The following PIK3C2G variants were observed in gnomAD, a reference collection of about 807,000 sequenced individuals.
PIK3C2G encodes the protein phosphatidylinositol-4-phosphate 3-kinase catalytic subunit type 2 gamma, also known as phosphatidylinositol 3-kinase C2 domain-containing subunit gamma.
Under a neutral mutation model 181.1 loss-of-function variants are expected in PIK3C2G, and 168 were observed. The observed-to-expected ratio is 0.93, with a 90% confidence interval of 0.82 to 1.05. The LOEUF is 1.05. Ranked by LOEUF, PIK3C2G falls within the 50% of genes least tolerant of loss-of-function variation. PIK3C2G has a pLI of 0.00. For synonymous variants in PIK3C2G, 573 were observed against 592.2 expected (o/e 0.97, Z 0.47); for missense variants, 1,869 against 1,732.8 (o/e 1.08, Z -1.40).
intron 31 of PIK3C2G, among the ~76,000 whole-genome samples, chr12:18,633,121 C>G (rs1174755388): frequency 6.6e-6 from 1 of 152,142 alleles, no homozygotes; most frequent in African/African-American, 2.4e-5. Flanking sequence ...TAACGCCATC[C>G]TCAGAAAGAG....
the PIK3C2G span, among the ~76,000 whole-genome samples, chr12:18,716,143 A>G: frequency 6.6e-6 from 1 of 152,094 alleles, no homozygotes; most frequent in Non-Finnish European, 1.5e-5. Context: ...TGCTTTCCTG[A>G]CTCGTATTTG....
chr12:18,304,532 C>T (rs1021122065), intron 5 of PIK3C2G, among the ~76,000 whole-genome samples: 2 of 152,216 alleles, frequency 1.3e-5, no homozygotes, highest in East Asian at 1.9e-4. Flanking sequence ...GCTGGGATTA[C>T]AGGCGTGAGC....
intron 2 of PIK3C2G, among the ~76,000 whole-genome samples, chr12:18,283,835 T>G (rs886361079): frequency 6.6e-6 from 1 of 152,084 alleles, no homozygotes; most frequent in Non-Finnish European, 1.5e-5. Context: ...ACGAAATAAG[T>G]GAATCAGGTG....
At chr12:18,679,445 C>T in the PIK3C2G span, among the ~76,000 whole-genome samples, 2 of 151,884 alleles carry the variant, frequency 1.3e-5, no homozygotes, top group African/African-American at 4.8e-5. Context: ...AGGTTTATGA[C>T]CCATTTTGAG....
At position 18,594,520 on chromosome 12, in the gene PIK3C2G, C is replaced by T. The variant is rs761555330; in HGVS notation, c.4038C>T (p.Leu1346=). 6.4e-7 allele frequency: 1 copy of T among 1,554,730 alleles called. No individual in the cohort carries two copies. Among genetic ancestry groups the T allele is most frequent in the African/African-American group, 1.4e-5 (1 of 71,100 alleles). Residue 1346 remains leucine, a synonymous_variant, in exon 30 of 33, where the codon CTC becomes CTT. Coordinates refer to ENST00000538779, the MANE Select transcript of PIK3C2G (RefSeq NM_001288772.2). ...GTGATTGTGTACTTAGCTTTTTCCT[C>T]TCTGAGGCTGTGCAACAAACAGTTG... is the stretch of plus-strand genomic sequence containing the variant. ...TNSDCVLSFF[L]SEAVQQTVEE...
At chr12:18,429,797 C>T (rs1946049849) in intron 18 of PIK3C2G, among the ~76,000 whole-genome samples, 1 of 152,156 alleles carries the variant, frequency 6.6e-6, no homozygotes, top group African/African-American at 2.4e-5. Flanking sequence ...TGAAATTGGG[C>T]ACTGTCAAAG....
chr12:18,491,371 A>G, intron 19 of PIK3C2G, 80 bp from the exon 20 acceptor site: 1 of 746,494 alleles, frequency 1.3e-6, no homozygotes, highest in East Asian at 2.5e-5. Context: ...TCATTTAATC[A>G]ATAGAAGAAA....
chr12:18,274,119 G>A (rs1366522844), intron 1 of PIK3C2G, among the ~76,000 whole-genome samples: 3 of 152,166 alleles, frequency 2.0e-5, no homozygotes, highest in Admixed American at 6.5e-5. Context: ...CCTCACACCA[G>A]TTAGAATGGT....
chr12:18,545,537 T>A (rs982844784), intron 25 of PIK3C2G, among the ~76,000 whole-genome samples: 2 of 151,800 alleles, frequency 1.3e-5, no homozygotes, highest in African/African-American at 4.8e-5. Flanking sequence ...TCAAATTTAG[T>A]TTAGAAAGTT....
chr12:18,699,270 C>G, the PIK3C2G span, among the ~76,000 whole-genome samples: 1 of 152,294 alleles, frequency 6.6e-6, no homozygotes, highest in South Asian at 2.1e-4. Flanking sequence ...ACCCTACCCT[C>G]TTCAATGCCT....
At chr12:18,475,411 ATTT>A (rs1230465191) in intron 18 of PIK3C2G, among the ~76,000 whole-genome samples, 9 of 87,570 alleles carry the variant, frequency 1.0e-4, no homozygotes, top group Non-Finnish European at 5.2e-5. Flanking sequence ...CACACACACC[ATTT>A]TTTTCTTACA....
chr12:18,288,632 T>C (rs1949555862), intron 3 of PIK3C2G, among the ~76,000 whole-genome samples: 1 of 152,232 alleles, frequency 6.6e-6, no homozygotes, highest in Non-Finnish European at 1.5e-5. Flanking sequence ...CTACTCACTG[T>C]GACAATATGA....
rs1308745590 is a variant in PIK3C2G, at chr12:18,411,125, G to T, written c.2316-9816G>T. On this transcript the variant is annotated intron_variant, in intron 16 of 32. Transcript: ENST00000538779. ...CCAGTCCAGTTAGACAGATTACATT[G>T]CTTACTATTAAATATCTTTACTGAT... Among the ~76,000 whole-genome samples, 3 of 151,918 alleles carry T rather than the reference G, an allele frequency of 2.0e-5. No homozygotes were observed. In the East Asian group the frequency reaches 5.8e-4, roughly 29 times the overall value.
intron 18 of PIK3C2G, among the ~76,000 whole-genome samples, chr12:18,482,471 T>C (rs1939657449): frequency 6.6e-6 from 1 of 152,032 alleles, no homozygotes; most frequent in Non-Finnish European, 1.5e-5. Context: ...ACCAGGAGAT[T>C]TGGCTCTGGC....
intron 5 of PIK3C2G, among the ~76,000 whole-genome samples, chr12:18,302,501 A>G (rs1950217136): frequency 6.6e-6 from 1 of 152,112 alleles, no homozygotes; most frequent in African/African-American, 2.4e-5. Flanking sequence ...GGCGATCCTC[A>G]GGACTCTGGA....
At chr12:18,714,608 T>C in the PIK3C2G span, 4 of 152,158 alleles carry the variant, frequency 2.6e-5, no homozygotes, top group African/African-American at 7.2e-5. Flanking sequence ...TCCCTTGTCA[T>C]ACATAGAGAT....
chr12:18,671,592 A>G, the PIK3C2G span, among the ~76,000 whole-genome samples: 1 of 152,316 alleles, frequency 6.6e-6, no homozygotes, highest in South Asian at 2.1e-4. Flanking sequence ...CAGGTGTACT[A>G]GGCACATCAC....
At chr12:18,517,945 A>T (rs774988783) in intron 24 of PIK3C2G, among the ~76,000 whole-genome samples, 5 of 152,086 alleles carry the variant, frequency 3.3e-5, no homozygotes, top group Non-Finnish European at 7.4e-5. Context: ...ACATGAAGGG[A>T]TGTTGAATTT....
the PIK3C2G span, among the ~76,000 whole-genome samples, chr12:18,726,639 C>T: frequency 1.3e-5 from 2 of 150,874 alleles, no homozygotes; most frequent in East Asian, 3.9e-4. Flanking sequence ...TCCATATTGT[C>T]ACCATTTTCC....
Sources: allele counts gnomAD v4.1 joint callset (sites outside exome capture counted in the v4.1 genomes callset), GRCh38; gene constraint gnomAD v4.1.1; transcripts MANE v1.5; gene names NCBI Gene and HGNC (gene_info 2026-07-23, HGNC 2026-07-21).